KLHL32: variants seen among roughly 807,000 people sequenced by gnomAD.
KLHL32 encodes the protein kelch-like protein 32.
Under a neutral mutation model 64.8 loss-of-function variants are expected in KLHL32, and 35 were observed. The ratio of observed to expected loss-of-function variants is 0.54; its 90% CI spans 0.41 to 0.72. The LOEUF is 0.72. Ranked by LOEUF, KLHL32 falls within the 30% of genes least tolerant of loss-of-function variation. KLHL32 has a pLI of 0.00. For synonymous variants in KLHL32, 259 were observed against 281.0 expected, an observed-to-expected ratio of 0.92 and a Z score of 0.78; for missense variants, 589 against 768.5, an observed-to-expected ratio of 0.77 and a Z score of 2.76.
chr6:97,003,068 G>A (rs1426587066), intron 3 of KLHL32, among the ~76,000 whole-genome samples: 6 of 152,054 alleles, frequency 3.9e-5, no homozygotes, highest in Admixed American at 2.0e-4. Context: ...TTGAGAAATC[G>A]CCAAAGTTCT....
At chr6:97,007,990 G>A (rs1291169071) in intron 3 of KLHL32, among the ~76,000 whole-genome samples, 1 of 152,248 alleles carries the variant, frequency 6.6e-6, no homozygotes, top group Non-Finnish European at 1.5e-5. Context: ...GCAATGCTCA[G>A]TGTGTATGTG....
intron 3 of KLHL32, among the ~76,000 whole-genome samples, chr6:96,989,050 C>G (rs547288151): frequency 6.6e-6 from 1 of 152,164 alleles, no homozygotes; most frequent in Non-Finnish European, 1.5e-5. Context: ...CACATGTATA[C>G]ATATGTAACA....
Position 97,131,754 on chromosome 6 carries a change from A to G in KLHL32, c.1606+805A>G, listed in dbSNP as rs568073272. ...CCTTGCAGCTGCTGCTGGGGGAGGC[A>G]ACGCTGGGAATCTAATCAGAGGTTT... On this transcript the variant is annotated intron_variant, in intron 9 of 10. Coordinates refer to ENST00000369261, the MANE Select transcript of KLHL32 (RefSeq NM_052904.4). Among the ~76,000 whole-genome samples the G allele has an allele frequency of 2.0e-3, 299 of 152,302 alleles. 3 individuals are homozygous for G. Among genetic ancestry groups the G allele is most frequent in the Non-Finnish European group, 5.3e-4 (36 of 68,030 alleles).
chr6:96,943,846 C>T (rs976687841), intron 1 of KLHL32, among the ~76,000 whole-genome samples: 8 of 152,284 alleles, frequency 5.3e-5, no homozygotes, highest in African/African-American at 1.9e-4. Context: ...CAGATGCATT[C>T]TTTTTATAAT....
intron 2 of KLHL32, among the ~76,000 whole-genome samples, chr6:96,968,603 A>T (rs1464030800): frequency 6.6e-6 from 1 of 152,076 alleles, no homozygotes; most frequent in South Asian, 2.1e-4. Context: ...TTATTAATCA[A>T]CTGTCTTCCA....
intron 10 of KLHL32, 52 bp downstream of exon 10, chr6:97,132,799 A>G (rs1263846973): frequency 7.9e-7 from 1 of 1,261,502 alleles, no homozygotes; most frequent in Non-Finnish European, 1.1e-6. Flanking sequence ...CAGCGAGGTT[A>G]CATTTTGCAA....
intron 3 of KLHL32, among the ~76,000 whole-genome samples, chr6:97,002,787 T>C (rs558846288): frequency 8.5e-5 from 13 of 152,200 alleles, no homozygotes; most frequent in Non-Finnish European, 1.6e-4. Flanking sequence ...CATCCATGTT[T>C]CTGCAAAGGA....
intron 2 of KLHL32, among the ~76,000 whole-genome samples, chr6:96,970,132 C>G (rs1020094963): frequency 4.6e-5 from 7 of 152,278 alleles, no homozygotes; most frequent in Admixed American, 2.0e-4. Flanking sequence ...CTGAGTGCTC[C>G]TTGGGCTCCA....
chr6:97,087,882 C>A (rs1793662601), intron 6 of KLHL32, among the ~76,000 whole-genome samples: 2 of 152,222 alleles, frequency 1.3e-5, no homozygotes, highest in Non-Finnish European at 2.9e-5. Flanking sequence ...TCCTGCTGTT[C>A]CTTACCCAAG....
the KLHL32 span, among the ~76,000 whole-genome samples, chr6:96,917,142 T>C: frequency 2.0e-5 from 3 of 152,372 alleles, no homozygotes; most frequent in African/African-American, 7.2e-5. Flanking sequence ...TTGGAAATTA[T>C]AAAACCCAAA....
intron 4 of KLHL32, among the ~76,000 whole-genome samples, chr6:97,054,854 G>A (rs1787541059): frequency 6.6e-6 from 1 of 152,270 alleles, no homozygotes; most frequent in African/African-American, 2.4e-5. Flanking sequence ...TGGAAGAATT[G>A]CTTGAACCCG....
chr6:96,945,974 G>A (rs1043107171), intron 1 of KLHL32, among the ~76,000 whole-genome samples: 1 of 152,130 alleles, frequency 6.6e-6, no homozygotes, highest in Non-Finnish European at 1.5e-5. Context: ...GCAGTTATGG[G>A]TGTGGGGTAT....
chr6:96,921,715 C>G (rs1768760781), upstream of KLHL32, among the ~76,000 whole-genome samples: 1 of 152,174 alleles, frequency 6.6e-6, no homozygotes, highest in South Asian at 2.1e-4. Context: ...TGACATAGCT[C>G]TCTTTCATGA....
upstream of KLHL32, among the ~76,000 whole-genome samples, chr6:96,922,969 G>A (rs182051436): frequency 7.2e-5 from 11 of 152,202 alleles, no homozygotes; most frequent in Non-Finnish European, 1.5e-5. Flanking sequence ...AAACCTCAAC[G>A]CCATGTGTCA....
intron 4 of KLHL32, among the ~76,000 whole-genome samples, chr6:97,061,321 T>C (rs1291556949): frequency 6.6e-6 from 1 of 152,020 alleles, no homozygotes; most frequent in African/African-American, 2.4e-5. Flanking sequence ...TCTTTTAGGG[T>C]TTCCTTTCCC....
Position 97,139,176 on chromosome 6 carries a change from C to G in KLHL32, c.1757C>G (p.Pro586Arg). 3 of 1,614,084 alleles carry G rather than the reference C, an allele frequency of 1.9e-6. No homozygotes were observed. Among genetic ancestry groups the G allele is most frequent in the Non-Finnish European group, 2.5e-6 (3 of 1,179,940 alleles). The change falls in exon 11 of 11, where the codon CCT becomes CGT. Residue 586 changes from proline to arginine, a missense_variant. Coordinates refer to ENST00000369261, the MANE Select transcript of KLHL32 (RefSeq NM_052904.4). ...KEEVFYGPTLPFASNGIAACF... is the reference protein window; with the variant it reads ...KEEVFYGPTLRFASNGIAACF... ...GAAGTATTCTATGGGCCTACACTCC[C>G]TTTTGCTTCCAATGGAATAGCAGCA... is the stretch of plus-strand genomic sequence containing the variant.
intron 10 of KLHL32, among the ~76,000 whole-genome samples, chr6:97,136,899 G>T (rs1362138453): frequency 2.6e-5 from 4 of 152,198 alleles, no homozygotes; most frequent in Non-Finnish European, 5.9e-5. Context: ...TTCTAAAAAT[G>T]TTTTCAGTCA....
intron 3 of KLHL32, among the ~76,000 whole-genome samples, chr6:97,032,184 G>A (rs951040924): frequency 6.6e-6 from 1 of 152,054 alleles, no homozygotes; most frequent in Non-Finnish European, 1.5e-5. Flanking sequence ...TTTTTAAAAG[G>A]GAGTTGTTTG....
intron 1 of KLHL32, among the ~76,000 whole-genome samples, chr6:96,936,739 A>T (rs1770648730): frequency 6.6e-6 from 1 of 152,172 alleles, no homozygotes; most frequent in Non-Finnish European, 1.5e-5. Context: ...TCTTTGCCTA[A>T]AACTGCAGCA....
Sources: gnomAD v4.1 joint callset for allele counts (sites outside exome capture counted in the v4.1 genomes callset) on GRCh38, gnomAD v4.1.1 for gene constraint, MANE v1.5 for transcripts, NCBI Gene and HGNC (gene_info 2026-07-23, HGNC 2026-07-21) for gene names.